The following RELN variants were observed in gnomAD, a reference collection of about 807,000 sequenced individuals.
RELN encodes reelin.
RELN carries 108 observed loss-of-function variants against 427.6 expected under a neutral mutation model. The ratio of observed to expected loss-of-function variants is 0.25; its 90% CI spans 0.22 to 0.30. RELN has a LOEUF of 0.30. RELN is among the 10% of genes least tolerant of loss of function. RELN has a pLI of 1.00. For missense variants in RELN, 3,715 were observed against 4,302.8 expected, an observed-to-expected ratio of 0.86 and a Z score of 3.82; for synonymous variants, 1,524 against 1,513.4, an observed-to-expected ratio of 1.01 and a Z score of -0.16.
chr7:103,713,863 C>A (rs972356314), intron 8 of RELN, among the ~76,000 whole-genome samples: 1 of 152,118 alleles, frequency 6.6e-6, no homozygotes, highest in Non-Finnish European at 1.5e-5. Flanking sequence ...CTATGAACAG[C>A]ACTGTAGAAA....
rs544152667 is a variant in RELN, at chr7:103,776,424, C to T, written c.544+133G>A. 8.5e-5 allele frequency: 74 copies of T among 871,602 alleles called. 1 individual carries two copies. The highest frequency in any genetic ancestry group is 2.4e-4 in the Middle Eastern group (1 of 4,180). The allele number at this position is 871,602 out of a possible 1,614,324, so 54.0% of individuals were successfully genotyped here. A position where few individuals can be genotyped will look rare whatever the true frequency, so the allele number is the denominator to read the frequency against. Reference sequence around the variant, plus strand: ...AATTACTAAATAACTATTAGTGATACGAAGGGTCAATACTTACATTTTTAA... The same window carrying T: ...AATTACTAAATAACTATTAGTGATATGAAGGGTCAATACTTACATTTTTAA... On this transcript the variant is annotated intron_variant, in intron 4 of 64. Coordinates refer to ENST00000428762, the MANE Select transcript of RELN (RefSeq NM_005045.4).
chr7:103,700,960 C>T lies in RELN; in HGVS notation c.852G>A (p.Val284=). The T allele has an allele frequency of 6.2e-7, 1 of 1,612,616 alleles. No individual in the cohort carries two copies. Among genetic ancestry groups the T allele is most frequent in the East Asian group, 2.2e-5 (1 of 44,854 alleles). The change falls in exon 9 of 65, where the codon GTG becomes GTA. Residue 284 remains valine, a synonymous_variant. Transcript: ENST00000428762. ...CCGCAGAGTTATTCTTGGCATATAA[C>T]ACGATGATGCTGGGGTCTGAATAAC... The part of the protein sequence containing the change: ...RFSYSDPSII[V]LYAKNNSADW...
At chr7:103,941,546 TTAAAA>T (rs1226864809) in intron 1 of RELN, among the ~76,000 whole-genome samples, 2 of 152,328 alleles carry the variant, frequency 1.3e-5, no homozygotes, top group Non-Finnish European at 2.9e-5. Flanking sequence ...TTTTCATGTA[TTAAAA>T]TAAAGTTAAA....
chr7:103,711,666 A>G (rs1048241685), intron 8 of RELN, among the ~76,000 whole-genome samples: 31 of 152,012 alleles, frequency 2.0e-4, no homozygotes, highest in Admixed American at 1.3e-4. Context: ...CAAAAAAGCT[A>G]TTTTTTTAAA....
chr7:103,566,873 G>A, intron 31 of RELN, 114 bp from the exon 32 acceptor site: 1 of 989,364 alleles, frequency 1.0e-6, no homozygotes, highest in Non-Finnish European at 1.6e-6. Flanking sequence ...TAGAACGAGG[G>A]CACATTTGTG....
chr7:103,635,641 T>G, intron 18 of RELN, 55 bp from the exon 19 acceptor site: 1 of 1,477,284 alleles, frequency 6.8e-7, no homozygotes, highest in Non-Finnish European at 9.4e-7. Flanking sequence ...AATCATAATG[T>G]TCATTTTGGT....
At chr7:103,711,947 C>A (rs1176820011) in intron 8 of RELN, among the ~76,000 whole-genome samples, 1 of 152,142 alleles carries the variant, frequency 6.6e-6, no homozygotes, top group Non-Finnish European at 1.5e-5. Context: ...GTGTGAGCCA[C>A]CACAGCTGAC....
chr7:103,623,170 A>G (rs1356970002), intron 20 of RELN, among the ~76,000 whole-genome samples: 2 of 152,212 alleles, frequency 1.3e-5, no homozygotes. Context: ...TTGCCACTCA[A>G]TGTATTTACC....
At chr7:103,739,329 G>T (rs1211194068) in intron 6 of RELN, among the ~76,000 whole-genome samples, 1 of 152,170 alleles carries the variant, frequency 6.6e-6, no homozygotes, top group Non-Finnish European at 1.5e-5. Context: ...CGTATTTGTG[G>T]TCCCTTACAT....
intron 2 of RELN, among the ~76,000 whole-genome samples, chr7:103,900,332 G>A (rs1795056461): frequency 2.0e-5 from 3 of 152,118 alleles, no homozygotes; most frequent in Admixed American, 2.0e-4. Flanking sequence ...CCATGCTCAT[G>A]TATAGGAAGA....
intron 8 of RELN, among the ~76,000 whole-genome samples, chr7:103,722,879 T>C (rs1790112618): frequency 6.6e-6 from 1 of 152,140 alleles, no homozygotes; most frequent in Non-Finnish European, 1.5e-5. Context: ...GTATGCAAAA[T>C]ACATATGTAA....
In RELN at chr7:103,515,180, T is replaced by C; in HGVS notation, c.8119+5A>G. Reference sequence around the variant, plus strand: ...GCTTTTTATTTAGCGCTGTGCATAATTTACCTGAAGTTTTGTCTTCCATAA... The same window carrying C: ...GCTTTTTATTTAGCGCTGTGCATAACTTACCTGAAGTTTTGTCTTCCATAA... On this transcript the variant is annotated splice_donor_5th_base_variant and intron_variant, in intron 50 of 64. Coordinates refer to ENST00000428762, the MANE Select transcript of RELN (RefSeq NM_005045.4). 6.2e-7 allele frequency: 1 copy of C among 1,614,146 alleles called. No individual in the cohort carries two copies. Among genetic ancestry groups the C allele is most frequent in the Non-Finnish European group, 8.5e-7 (1 of 1,180,014 alleles).
intron 3 of RELN, among the ~76,000 whole-genome samples, chr7:103,798,638 A>T (rs262333): frequency 0.99 from 151,329 of 152,286 alleles, 75,197 homozygotes; most frequent in East Asian, 1. Context: ...AAATCTCCTC[A>T]GCCAGGCAGA....
chr7:103,556,180 T>C (rs192492235), intron 38 of RELN, among the ~76,000 whole-genome samples: 181 of 152,330 alleles, frequency 1.2e-3, no homozygotes, highest in African/African-American at 4.0e-3. Context: ...CGGCACTATC[T>C]GCTTGGTCTA....
At chr7:103,757,323 C>A (rs1791184410) in intron 4 of RELN, among the ~76,000 whole-genome samples, 1 of 152,132 alleles carries the variant, frequency 6.6e-6, no homozygotes, top group South Asian at 2.1e-4. Flanking sequence ...TGTTCCTCTG[C>A]CATTGAACTA....
intron 28 of RELN, among the ~76,000 whole-genome samples, chr7:103,589,356 C>G (rs1326197066): frequency 6.6e-6 from 1 of 152,196 alleles, no homozygotes; most frequent in Non-Finnish European, 1.5e-5. Flanking sequence ...TTTAGTATAT[C>G]TGAATGTTTA....
intron 2 of RELN, among the ~76,000 whole-genome samples, chr7:103,893,693 T>C (rs992240134): frequency 6.6e-5 from 10 of 152,098 alleles, no homozygotes; most frequent in African/African-American, 2.2e-4. Context: ...GAGCAGACAA[T>C]AGACATTTTC....
At chr7:103,669,506 G>A (rs960234354) in intron 11 of RELN, among the ~76,000 whole-genome samples, 2 of 152,156 alleles carry the variant, frequency 1.3e-5, no homozygotes, top group East Asian at 3.9e-4. Context: ...TTTACTCCCC[G>A]GACTTCAAAG....
At chr7:103,772,459 A>G (rs1002248404) in intron 4 of RELN, among the ~76,000 whole-genome samples, 2 of 152,232 alleles carry the variant, frequency 1.3e-5, no homozygotes, top group Admixed American at 1.3e-4. Context: ...TGTGAAGATT[A>G]GATGAGTGCT....
Sources: allele counts gnomAD v4.1 joint callset (sites outside exome capture counted in the v4.1 genomes callset), GRCh38; gene constraint gnomAD v4.1.1; transcripts MANE v1.5; gene names NCBI Gene and HGNC (gene_info 2026-07-23, HGNC 2026-07-21).